SH3BGRL2: variants seen among roughly 807,000 people sequenced by gnomAD.
The protein encoded by SH3BGRL2 is SH3 domain binding glutamate rich protein like 2, also known as SH3 domain-binding glutamic acid-rich-like protein 2.
SH3BGRL2 carries 21 observed loss-of-function variants against 14.8 expected under a neutral mutation model. The observed-to-expected ratio is 1.42, with a 90% confidence interval of 1.01 to 2.05. The LOEUF (loss-of-function observed/expected upper bound fraction) is 2.05. SH3BGRL2 is among the 30% of genes most tolerant of loss of function. The pLI, the probability that SH3BGRL2 is intolerant of heterozygous loss-of-function variation, is 0.00. For synonymous variants in SH3BGRL2, 50 were observed against 47.8 expected (o/e 1.05, Z -0.19); for missense variants, 147 against 130.8 (o/e 1.12, Z -0.61).
chr6:79,658,610 C>T (rs1448022619), intron 1 of SH3BGRL2, among the ~76,000 whole-genome samples: 1 of 152,144 alleles, frequency 6.6e-6, no homozygotes, highest in Non-Finnish European at 1.5e-5. Context: ...CATATGTGTG[C>T]ATGTGTCTTT....
chr6:79,634,463 T>C (rs895818120), intron 1 of SH3BGRL2, among the ~76,000 whole-genome samples: 1 of 152,248 alleles, frequency 6.6e-6, no homozygotes, highest in African/African-American at 2.4e-5. Flanking sequence ...TAAAATTTAA[T>C]TTATTCTGGA....
At chr6:79,549,390 A>G in the SH3BGRL2 span, among the ~76,000 whole-genome samples, 3 of 152,180 alleles carry the variant, frequency 2.0e-5, no homozygotes, top group Non-Finnish European at 4.4e-5. Flanking sequence ...GTAAACATAT[A>G]ATGATGTTTT....
chr6:79,663,824 C>G (rs1416134218), intron 1 of SH3BGRL2, among the ~76,000 whole-genome samples: 2 of 152,238 alleles, frequency 1.3e-5, no homozygotes, highest in Non-Finnish European at 2.9e-5. Context: ...GGGCTCCACC[C>G]AGTTTGAGCT....
chr6:79,670,347 G>A (rs1769748456), intron 1 of SH3BGRL2, among the ~76,000 whole-genome samples: 1 of 152,232 alleles, frequency 6.6e-6, no homozygotes, highest in Non-Finnish European at 1.5e-5. Flanking sequence ...ATGGTGTGTA[G>A]TAGTGTTTGA....
intron 2 of SH3BGRL2, among the ~76,000 whole-genome samples, chr6:79,691,339 T>G (rs1013307185): frequency 3.5e-5 from 5 of 142,454 alleles, no homozygotes; most frequent in Admixed American, 6.8e-5. Context: ...TTTGTTTTTG[T>G]TTTTTTTTGT....
chr6:79,681,257 G>A (rs1419547174), intron 2 of SH3BGRL2, among the ~76,000 whole-genome samples: 4 of 152,112 alleles, frequency 2.6e-5, no homozygotes, highest in Admixed American at 6.5e-5. Context: ...TGTTTTTACC[G>A]AAAAATAACC....
At chr6:79,612,019 G>T in the SH3BGRL2 span, among the ~76,000 whole-genome samples, 2 of 152,194 alleles carry the variant, frequency 1.3e-5, no homozygotes, top group African/African-American at 2.4e-5. Flanking sequence ...AAACTTCACT[G>T]CCAGGCGCTG....
the SH3BGRL2 span, among the ~76,000 whole-genome samples, chr6:79,545,064 T>C: frequency 6.6e-6 from 1 of 152,160 alleles, no homozygotes; most frequent in Non-Finnish European, 1.5e-5. Flanking sequence ...TATTGAAAGG[T>C]CAATGTAAAC....
chr6:79,577,550 T>C, the SH3BGRL2 span, among the ~76,000 whole-genome samples: 1 of 152,164 alleles, frequency 6.6e-6, no homozygotes, highest in Non-Finnish European at 1.5e-5. Flanking sequence ...CTGATCTAGT[T>C]TAACATACTA....
chr6:79,556,577 CT>C, the SH3BGRL2 span, among the ~76,000 whole-genome samples: 1 of 152,078 alleles, frequency 6.6e-6, no homozygotes, highest in Non-Finnish European at 1.5e-5. Context: ...TTGGTTTAAG[CT>C]TTTTGTTATT....
chr6:79,551,438 CAG>C, the SH3BGRL2 span, among the ~76,000 whole-genome samples: 25,011 of 152,032 alleles, frequency 0.16, 2,178 homozygotes, highest in South Asian at 0.22. Flanking sequence ...GTGAATCACT[CAG>C]AATATCAGAA....
At chr6:79,676,605 A>ATGTGTGTGTGTGTGTG (rs58234438) in intron 2 of SH3BGRL2, among the ~76,000 whole-genome samples, 5 of 139,672 alleles carry the variant, frequency 3.6e-5, no homozygotes, top group African/African-American at 1.1e-4. Context: ...GTCTTTATGT[A>ATGTGTGTGTGTGTGTG]TGTGTGTGTG....
chr6:79,570,505 T>C, the SH3BGRL2 span, among the ~76,000 whole-genome samples: 1 of 152,186 alleles, frequency 6.6e-6, no homozygotes, highest in Non-Finnish European at 1.5e-5. Context: ...CAATTGTAAA[T>C]GTCATGTTGT....
intron 2 of SH3BGRL2, 29 bp from the exon 3 acceptor site, chr6:79,696,456 G>C (rs749902647): frequency 6.7e-7 from 1 of 1,484,998 alleles, no homozygotes; most frequent in Non-Finnish European, 9.1e-7. Flanking sequence ...GCTTTTGTTG[G>C]TTTATTTTCT....
intron 1 of SH3BGRL2, among the ~76,000 whole-genome samples, chr6:79,660,021 A>G (rs1394423006): frequency 1.3e-5 from 2 of 152,220 alleles, no homozygotes; most frequent in Non-Finnish European, 2.9e-5. Flanking sequence ...GTTGCTTATC[A>G]GCTTAAGGAG....
the SH3BGRL2 span, among the ~76,000 whole-genome samples, chr6:79,545,190 T>C: frequency 6.6e-6 from 1 of 152,212 alleles, no homozygotes; most frequent in Non-Finnish European, 1.5e-5. Flanking sequence ...TGAGAGTTCC[T>C]CCCCTTCTCT....
chr6:79,587,135 T>G, the SH3BGRL2 span, among the ~76,000 whole-genome samples: 5 of 152,254 alleles, frequency 3.3e-5, no homozygotes, highest in Non-Finnish European at 7.3e-5. Flanking sequence ...AACTGTATTA[T>G]GATTAAAGTA....
the SH3BGRL2 span, among the ~76,000 whole-genome samples, chr6:79,603,885 A>G: frequency 8.6e-4 from 130 of 151,844 alleles, no homozygotes; most frequent in East Asian, 0.017. Context: ...GCTCACTGCA[A>G]CCTCCACCTC....
At chr6:79,564,579 C>T in the SH3BGRL2 span, among the ~76,000 whole-genome samples, 4 of 152,256 alleles carry the variant, frequency 2.6e-5, no homozygotes, top group African/African-American at 7.2e-5. Flanking sequence ...AAATACCTTT[C>T]CCTCTTTCCT....
Sources: allele counts gnomAD v4.1 joint callset (sites outside exome capture counted in the v4.1 genomes callset), GRCh38; gene constraint gnomAD v4.1.1; transcripts MANE v1.5; gene names NCBI Gene and HGNC (gene_info 2026-07-23, HGNC 2026-07-21).